The following AP4E1 variants were observed in gnomAD, a reference collection of about 807,000 sequenced individuals.
AP4E1 encodes adaptor related protein complex 4 subunit epsilon 1, also known as AP-4 complex subunit epsilon-1.
AP4E1 carries 56 observed loss-of-function variants against 128.2 expected under a neutral mutation model. The observed-to-expected ratio is 0.44, with a 90% CI of 0.35 to 0.55. AP4E1 has a LOEUF of 0.55. Ranked by LOEUF, AP4E1 falls within the 20% of genes least tolerant of loss-of-function variation. The probability of loss-of-function intolerance (pLI) is 0.00; values close to 1 mark genes in which losing one functional copy is unlikely to be tolerated. For synonymous variants in AP4E1, 484 were observed against 473.1 expected (o/e 1.02, Z -0.30); for missense variants, 1,324 against 1,307.7 (o/e 1.01, Z -0.19).
intron 15 of AP4E1, among the ~76,000 whole-genome samples, chr15:50,972,494 G>A (rs944746550): frequency 6.6e-6 from 1 of 152,168 alleles, no homozygotes; most frequent in Admixed American, 6.5e-5. Context: ...TTACAAGTGT[G>A]AGCCACAGTA....
intron 7 of AP4E1, among the ~76,000 whole-genome samples, chr15:50,932,329 A>T (rs1186821787): frequency 6.6e-6 from 1 of 152,230 alleles, no homozygotes; most frequent in East Asian, 1.9e-4. Flanking sequence ...TTCTAAGGAC[A>T]GTACAAGGAG....
At chr15:50,913,093 G>A (rs536653462) in intron 2 of AP4E1, among the ~76,000 whole-genome samples, 19 of 152,264 alleles carry the variant, frequency 1.2e-4, no homozygotes, top group South Asian at 8.3e-4. Context: ...ATATCAGGAC[G>A]ATCATTTTGC....
At chr15:50,970,770 T>C (rs1003203926) in intron 15 of AP4E1, among the ~76,000 whole-genome samples, 2 of 152,218 alleles carry the variant, frequency 1.3e-5, no homozygotes, top group African/African-American at 4.8e-5. Flanking sequence ...GGTGAGTTTC[T>C]TGTAGGCAGT....
chr15:50,999,050 C>G (rs756586040), intron 18 of AP4E1, 22 bp from the exon 19 acceptor site: 3 of 1,611,922 alleles, frequency 1.9e-6, no homozygotes, highest in African/African-American at 2.7e-5. Context: ...TTCTTCAACA[C>G]TTTTATTACT....
At position 50,931,658 on chromosome 15, in the gene AP4E1, A is replaced by G. The variant is rs144042157; in HGVS notation, c.869+687A>G. 2.7e-3 allele frequency among the ~76,000 whole-genome samples: 415 copies of G among 152,334 alleles called. 2 individuals carry two copies. Among genetic ancestry groups the G allele is most frequent in the African/African-American group, 9.4e-3 (389 of 41,578 alleles). On this transcript the variant is annotated intron_variant, in intron 7 of 20. Transcript: ENST00000261842. ...ATCTATTCGACTCTGCTATTACAGC[A>G]TGAAAGCAGCCACAGATAGAACATA...
rs765195611 is a variant in AP4E1, at chr15:50,958,803, T to C, written c.1851+9T>C. Reference sequence around the variant, plus strand: ...GTTGTGAAGACTTGGTGGTAAGACATTGGTGTTCCATCTTTTTAAAAATTG... The same window carrying C: ...GTTGTGAAGACTTGGTGGTAAGACACTGGTGTTCCATCTTTTTAAAAATTG... On this transcript the variant is annotated intron_variant, in intron 14 of 20. Coordinates refer to ENST00000261842, the MANE Select transcript of AP4E1 (RefSeq NM_007347.5). 1.2e-6 allele frequency: 2 copies of C among 1,613,922 alleles called. No individual in the cohort carries two copies. The highest frequency in any genetic ancestry group is 3.3e-5 in the Admixed American group (2 of 60,016).
chr15:50,958,758 C>T lies in AP4E1; in HGVS notation c.1815C>T (p.Ser605=), dbSNP rs759539551. Reference sequence around the variant, plus strand: ...ATGAGAATGTGGAACTTATGAAGAGCTTGCTTCCAGTTGACAGGAGTTGTG... The same window carrying T: ...ATGAGAATGTGGAACTTATGAAGAGTTTGCTTCCAGTTGACAGGAGTTGTG... ...HLHENVELMK[S]LLPVDRSCED... The change falls in exon 14 of 21, where the codon AGC becomes AGT. Residue 605 remains serine (S), a synonymous_variant. Transcript: ENST00000261842. The T allele has an allele frequency of 7.2e-5, 117 of 1,614,002 alleles. 2 individuals are homozygous for T. In the Admixed American group the frequency reaches 1.9e-3, roughly 26 times the overall value.
chr15:50,988,427 G>T lies in AP4E1; in HGVS notation c.2090+4282G>T, dbSNP rs187713306. On this transcript the variant is annotated intron_variant, in intron 16 of 20. Transcript: ENST00000261842. ...CCTTCTGGGCTCAGGCAATTCTCCT[G>T]CCTCAGCCTTCCGAGTAGCTGGGAT... Among the ~76,000 whole-genome samples, 517 of 152,052 alleles carry T rather than the reference G, an allele frequency of 3.4e-3. 3 individuals are homozygous for T. Among genetic ancestry groups the T allele is most frequent in the Middle Eastern group, 0.014 (4 of 294 alleles).
intron 4 of AP4E1, 26 bp from the exon 5 acceptor site, chr15:50,925,072 G>A (rs777619311): frequency 1.2e-6 from 2 of 1,613,238 alleles, no homozygotes; most frequent in South Asian, 1.1e-5. Flanking sequence ...TACACTAAAT[G>A]TTTTCTTTGC....
chr15:50,932,003 T>G (rs1450060143), intron 7 of AP4E1, among the ~76,000 whole-genome samples: 1 of 151,896 alleles, frequency 6.6e-6, no homozygotes, highest in Non-Finnish European at 1.5e-5. Context: ...TTTTTGAGAC[T>G]AAGTCTTGCT....
chr15:50,979,523 C>G (rs2064607859), intron 15 of AP4E1, among the ~76,000 whole-genome samples: 1 of 152,080 alleles, frequency 6.6e-6, no homozygotes, highest in Non-Finnish European at 1.5e-5. Flanking sequence ...AAATAAATTT[C>G]TTTTTCTTTT....
rs1179801967 is a variant in AP4E1 at position 50,989,994 on chromosome 15, C to G, written c.2091-3376C>G. On this transcript the variant is annotated intron_variant, in intron 16 of 20. Transcript: ENST00000261842. Reference sequence around the variant, plus strand: ...GTTGCTCTTTTACAGTCCCTGGCAACCTGAGAATAAAGTAGTAGCAAGTCT... The same window carrying G: ...GTTGCTCTTTTACAGTCCCTGGCAAGCTGAGAATAAAGTAGTAGCAAGTCT... 6.6e-5 allele frequency among the ~76,000 whole-genome samples: 10 copies of G among 152,182 alleles called. No homozygotes were observed. In the South Asian group the frequency reaches 1.0e-3, roughly 16 times the overall value.
chr15:50,942,071 C>T (rs772542062), intron 10 of AP4E1, among the ~76,000 whole-genome samples: 1 of 152,080 alleles, frequency 6.6e-6, no homozygotes, highest in Non-Finnish European at 1.5e-5. Flanking sequence ...TGTGTGCCAC[C>T]ACGCGTGGCT....
At chr15:50,988,340 A>G (rs938185827) in intron 16 of AP4E1, among the ~76,000 whole-genome samples, 46 of 152,052 alleles carry the variant, frequency 3.0e-4, no homozygotes, top group African/African-American at 1.0e-3. Flanking sequence ...TTGAGACACA[A>G]TTTCACTCTT....
At position 51,002,625 on chromosome 15, in the gene AP4E1, T is replaced by C. The variant is rs2064978467; in HGVS notation, c.3377T>C (p.Leu1126Ser). ...TCCTGTTCTACTCTTCCTGACTATT[T>C]ACTGTATCAGTGTCAAAAGGTGATG... is the stretch of plus-strand genomic sequence containing the variant. Reference protein sequence around the residue: ...RSSCSTLPDYLLYQCQKVMEG... With the variant: ...RSSCSTLPDYSLYQCQKVMEG... The change falls in exon 21 of 21, where the codon TTA becomes TCA. Residue 1126 changes from leucine to serine, a missense_variant. By Grantham distance (145) the Leu-to-Ser change is moderately radical (BLOSUM62 -2). Coordinates refer to ENST00000261842, the MANE Select transcript of AP4E1 (RefSeq NM_007347.5). 1 of 1,614,172 alleles carries C rather than the reference T, an allele frequency of 6.2e-7. No individual in the cohort carries two copies. The highest frequency in any genetic ancestry group is 8.5e-7 in the Non-Finnish European group (1 of 1,179,990).
intron 5 of AP4E1, 150 bp downstream of exon 5, chr15:50,925,369 AT>A: frequency 1.2e-6 from 1 of 854,936 alleles, no homozygotes; most frequent in South Asian, 1.7e-5. Context: ...GATCATCTTT[AT>A]TTTTATGTGG....
chr15:51,002,707 A>G lies in AP4E1; in HGVS notation c.*45A>G, dbSNP rs1049164769. 1.6e-5 allele frequency: 25 copies of G among 1,609,808 alleles called. No individual in the cohort carries two copies. Among genetic ancestry groups the G allele is most frequent in the Non-Finnish European group, 2.1e-5 (25 of 1,177,076 alleles). On this transcript the variant is annotated 3_prime_UTR_variant, in exon 21 of 21. Coordinates refer to ENST00000261842, the MANE Select transcript of AP4E1 (RefSeq NM_007347.5). ...TACTCCATCAAGATCAATGGTTTAC[A>G]TAGATAAACTTATTTACCAAAGTAA...
intron 14 of AP4E1, among the ~76,000 whole-genome samples, chr15:50,961,650 A>G (rs936580645): frequency 1.3e-5 from 2 of 152,026 alleles, no homozygotes; most frequent in African/African-American, 4.8e-5. Flanking sequence ...CAATATTGCA[A>G]TGAATAAGAA....
intron 15 of AP4E1, among the ~76,000 whole-genome samples, chr15:50,970,073 C>T (rs2064457901): frequency 6.6e-6 from 1 of 152,044 alleles, no homozygotes; most frequent in Non-Finnish European, 1.5e-5. Flanking sequence ...ATTTTTTATC[C>T]TTTACCCTAT....
Sources: gnomAD v4.1 joint callset for allele counts (sites outside exome capture counted in the v4.1 genomes callset) on GRCh38, gnomAD v4.1.1 for gene constraint, MANE v1.5 for transcripts, NCBI Gene and HGNC (gene_info 2026-07-23, HGNC 2026-07-21) for gene names.